The following PTH2R variants were observed in gnomAD, a reference collection of about 807,000 sequenced individuals.
PTH2R encodes the protein parathyroid hormone 2 receptor, also known as PTH2 receptor.
Under a neutral mutation model 60.3 loss-of-function variants are expected in PTH2R, and 59 were observed. The ratio of observed to expected loss-of-function variants is 0.98; its 90% CI spans 0.79 to 1.22. The LOEUF (loss-of-function observed/expected upper bound fraction) is 1.22, where lower values mean the gene tolerates loss of function less well. Among genes scored for constraint, PTH2R ranks in the 50% most tolerant of loss-of-function variants. The probability of loss-of-function intolerance (pLI) is 0.00; values close to 1 mark genes in which losing one functional copy is unlikely to be tolerated. For missense variants in PTH2R, 749 were observed against 682.6 expected (o/e 1.10, Z -1.08); for synonymous variants, 256 against 243.8 (o/e 1.05, Z -0.47).
chr2:208,466,838 G>A (rs975794703), intron 9 of PTH2R, among the ~76,000 whole-genome samples: 1 of 152,056 alleles, frequency 6.6e-6, no homozygotes, highest in African/African-American at 2.4e-5. Context: ...CATTTCACAG[G>A]TTGCCTTTTC....
chr2:208,475,384 CAG>C (rs1702978192), intron 9 of PTH2R, among the ~76,000 whole-genome samples: 1 of 152,020 alleles, frequency 6.6e-6, no homozygotes, highest in Admixed American at 6.6e-5. Context: ...ATCCTAAACT[CAG>C]TGTTTAAAGC....
intron 7 of PTH2R, among the ~76,000 whole-genome samples, chr2:208,446,460 A>G (rs1000925287): frequency 6.6e-6 from 1 of 152,220 alleles, no homozygotes; most frequent in African/African-American, 2.4e-5. Flanking sequence ...ATTTCGTGAA[A>G]TAGTTTGAGA....
chr2:208,378,849 G>C (rs1700859389), intron 1 of PTH2R, among the ~76,000 whole-genome samples: 2 of 152,064 alleles, frequency 1.3e-5, no homozygotes, highest in African/African-American at 4.8e-5. Context: ...TTATACATTG[G>C]GCAAGTCATT....
intron 1 of PTH2R, among the ~76,000 whole-genome samples, chr2:208,379,541 T>G (rs937414854): frequency 6.6e-6 from 1 of 152,112 alleles, no homozygotes; most frequent in African/African-American, 2.4e-5. Flanking sequence ...ACTTTTGGGT[T>G]TTAATAATTA....
intron 10 of PTH2R, among the ~76,000 whole-genome samples, chr2:208,487,423 G>A (rs1703296956): frequency 6.6e-6 from 1 of 152,136 alleles, no homozygotes; most frequent in Non-Finnish European, 1.5e-5. Context: ...TTATTAGAGT[G>A]TAAATAATTC....
chr2:208,444,727 G>T lies in PTH2R; in HGVS notation c.700-7G>T, dbSNP rs1559222347. 1 of 1,612,228 alleles carries T rather than the reference G, an allele frequency of 6.2e-7. No homozygotes were observed. The highest frequency in any genetic ancestry group is 8.5e-7 in the Non-Finnish European group (1 of 1,179,112). ...AATATGATGAAATTCTGGTTTATTTGTAATAGATCGGGTGCAAGATTGCTG... is the reference window on the plus strand; with the variant it reads ...AATATGATGAAATTCTGGTTTATTTTTAATAGATCGGGTGCAAGATTGCTG... On this transcript the variant is annotated splice_polypyrimidine_tract_variant and splice_region_variant and intron_variant, in intron 6 of 12. Coordinates refer to ENST00000272847, the MANE Select transcript of PTH2R (RefSeq NM_005048.4).
At chr2:208,407,391 G>A (rs914376239) in intron 1 of PTH2R, among the ~76,000 whole-genome samples, 1 of 152,186 alleles carries the variant, frequency 6.6e-6, no homozygotes, top group African/African-American at 2.4e-5. Context: ...TCCGAACAGC[G>A]GAGTCGTGGA....
intron 8 of PTH2R, among the ~76,000 whole-genome samples, chr2:208,456,161 G>A (rs1315846823): frequency 1.3e-5 from 2 of 151,966 alleles, no homozygotes; most frequent in Non-Finnish European, 2.9e-5. Flanking sequence ...AGAATCGCCT[G>A]AACTGGGGAA....
chr2:208,462,880 G>A (rs72990606), intron 9 of PTH2R, among the ~76,000 whole-genome samples: 9,019 of 152,198 alleles, frequency 0.059, 342 homozygotes, highest in Non-Finnish European at 0.083. Context: ...ACCCTGAAGG[G>A]GCTTCTAAGC....
At chr2:208,401,384 C>A (rs1212979869) in intron 1 of PTH2R, among the ~76,000 whole-genome samples, 1 of 152,100 alleles carries the variant, frequency 6.6e-6, no homozygotes, top group Non-Finnish European at 1.5e-5. Context: ...GCCTTTCCTT[C>A]TGCCTTCCCA....
At chr2:208,398,133 C>T (rs1317798532) in intron 1 of PTH2R, among the ~76,000 whole-genome samples, 4 of 152,096 alleles carry the variant, frequency 2.6e-5, no homozygotes, top group Non-Finnish European at 5.9e-5. Flanking sequence ...CCACAGAAGT[C>T]ATAGAAAAGA....
chr2:208,370,442 C>CAAAAAA (rs71041305), intron 1 of PTH2R, among the ~76,000 whole-genome samples: 7 of 61,686 alleles, frequency 1.1e-4, no homozygotes, highest in African/African-American at 4.6e-4. Flanking sequence ...GACTCCGTCT[C>CAAAAAA]AAAAAAAAAA....
intron 1 of PTH2R, among the ~76,000 whole-genome samples, chr2:208,380,733 T>C (rs906247017): frequency 2.0e-5 from 3 of 152,112 alleles, no homozygotes; most frequent in African/African-American, 4.8e-5. Context: ...GTGGAGTGTG[T>C]CTGTCCTTGA....
intron 1 of PTH2R, among the ~76,000 whole-genome samples, chr2:208,360,398 C>T (rs1249629739): frequency 6.6e-6 from 1 of 152,144 alleles, no homozygotes; most frequent in Non-Finnish European, 1.5e-5. Flanking sequence ...GCGTGCTCCT[C>T]GCAGGTTACT....
upstream of PTH2R, among the ~76,000 whole-genome samples, chr2:208,402,450 G>A (rs1339023582): frequency 3.3e-5 from 5 of 152,058 alleles, no homozygotes; most frequent in African/African-American, 1.2e-4. Flanking sequence ...TGTCTAGAAA[G>A]TACCTAGTAT....
At chr2:208,468,176 A>G (rs1702797274) in intron 9 of PTH2R, among the ~76,000 whole-genome samples, 1 of 152,290 alleles carries the variant, frequency 6.6e-6, no homozygotes, top group South Asian at 2.1e-4. Flanking sequence ...AGGGAGAAAT[A>G]AGCCCAGAAC....
chr2:208,450,296 A>C (rs10166432), intron 7 of PTH2R, among the ~76,000 whole-genome samples: 30,419 of 152,210 alleles, frequency 0.2, 3,243 homozygotes, highest in South Asian at 0.26. Flanking sequence ...AACTTGCCTC[A>C]GTATGCCTTC....
intron 1 of PTH2R, among the ~76,000 whole-genome samples, chr2:208,418,280 G>A (rs953361783): frequency 2.0e-5 from 3 of 151,798 alleles, no homozygotes; most frequent in African/African-American, 7.2e-5. Context: ...CTTATCAAAG[G>A]ACGATAAAGG....
chr2:208,462,889 G>A (rs1390995014), intron 9 of PTH2R, among the ~76,000 whole-genome samples: 1 of 152,198 alleles, frequency 6.6e-6, no homozygotes, highest in Non-Finnish European at 1.5e-5. Context: ...GGGCTTCTAA[G>A]CCTCACTAAA....
Sources: allele counts gnomAD v4.1 joint callset (sites outside exome capture counted in the v4.1 genomes callset), GRCh38; gene constraint gnomAD v4.1.1; transcripts MANE v1.5; gene names NCBI Gene and HGNC (gene_info 2026-07-23, HGNC 2026-07-21).